Variants in IFT43 observed in about 807,000 individuals in gnomAD.
IFT43 encodes intraflagellar transport 43.
IFT43 carries 33 observed loss-of-function variants against 32.3 expected under a neutral mutation model. The observed-to-expected ratio is 1.02, with a 90% confidence interval of 0.77 to 1.37. IFT43 has a LOEUF of 1.37. Among genes scored for constraint, IFT43 ranks in the 40% most tolerant of loss-of-function variants. The pLI, the probability that IFT43 is intolerant of heterozygous loss-of-function variation, is 0.00. For missense variants in IFT43, 274 were observed against 265.9 expected (o/e 1.03, Z -0.21); for synonymous variants, 93 against 98.2 (o/e 0.95, Z 0.31).
chr14:76,064,678 A>G (rs2037198790), intron 5 of IFT43, among the ~76,000 whole-genome samples: 1 of 152,180 alleles, frequency 6.6e-6, no homozygotes, highest in African/African-American at 2.4e-5. Context: ...CTCAGTCCCC[A>G]GTTGCTCATG....
chr14:75,990,782 G>C (rs1002269675), intron 2 of IFT43, among the ~76,000 whole-genome samples: 2 of 152,192 alleles, frequency 1.3e-5, no homozygotes, highest in Non-Finnish European at 2.9e-5. Context: ...AGAAAACGCG[G>C]AAGCAAATGA....
intron 2 of IFT43, among the ~76,000 whole-genome samples, chr14:76,012,595 G>T (rs1299861693): frequency 6.6e-6 from 1 of 152,126 alleles, no homozygotes; most frequent in East Asian, 1.9e-4. Flanking sequence ...AGCTATGCAG[G>T]GTCCTGCCCC....
At position 76,081,326 on chromosome 14, in the gene IFT43, G is replaced by T. The variant is rs142911739; in HGVS notation, c.296-969G>T. On this transcript the variant is annotated intron_variant, in intron 5 of 8. Transcript: ENST00000314067. ...ACCTTTGGGATTTCTCCTTCTTTCC[G>T]TGTTTACAGTTGCTTTGGGAATTCC... Among the ~76,000 whole-genome samples the T allele has an allele frequency of 2.1e-3, 319 of 152,274 alleles. 1 individual carries two copies. The highest frequency in any genetic ancestry group is 7.2e-3 in the African/African-American group (299 of 41,558).
intron 2 of IFT43, among the ~76,000 whole-genome samples, chr14:75,994,324 G>T (rs938458455): frequency 3.4e-4 from 52 of 152,006 alleles, no homozygotes; most frequent in Non-Finnish European, 6.2e-4. Flanking sequence ...GTTTGGTCCA[G>T]GTAATTAAAC....
At chr14:76,050,410 G>GGTTTGGATGTGGTGGGAGT (rs1194905234) in intron 3 of IFT43, among the ~76,000 whole-genome samples, 2 of 151,836 alleles carry the variant, frequency 1.3e-5, no homozygotes, top group Non-Finnish European at 2.9e-5. Flanking sequence ...GTGGTGGGAG[G>GGTTTGGATGTGGTGGGAGT]GTTTGGATGT....
intron 5 of IFT43, among the ~76,000 whole-genome samples, chr14:76,076,245 G>T (rs1467307524): frequency 2.6e-5 from 4 of 152,214 alleles, no homozygotes; most frequent in Non-Finnish European, 5.9e-5. Context: ...TGAGGAAGCT[G>T]GAAAGCTAAG....
chr14:75,997,262 A>T (rs1283434527), intron 2 of IFT43, among the ~76,000 whole-genome samples: 1 of 152,234 alleles, frequency 6.6e-6, no homozygotes, highest in East Asian at 1.9e-4. Context: ...GTGACTTTGT[A>T]TTTGAAACCA....
chr14:76,007,633 A>G lies in IFT43; in HGVS notation c.148-14694A>G, dbSNP rs1594812190. On this transcript the variant is annotated intron_variant, in intron 2 of 8. Coordinates refer to ENST00000314067, the MANE Select transcript of IFT43 (RefSeq NM_001102564.3). ...GTTGGGAATTTACACCTTCAATATTATGCACATTTCTGGCTACACACATGC... is the reference window on the plus strand; with the variant it reads ...GTTGGGAATTTACACCTTCAATATTGTGCACATTTCTGGCTACACACATGC... Among the ~76,000 whole-genome samples, 4 of 152,180 alleles carry G rather than the reference A, an allele frequency of 2.6e-5. No homozygotes were observed. The East Asian group carries it at 7.7e-4, about 29-fold the overall frequency.
chr14:75,986,691 T>G (rs1001688546), intron 1 of IFT43, among the ~76,000 whole-genome samples: 8 of 152,208 alleles, frequency 5.3e-5, no homozygotes, highest in African/African-American at 1.2e-4. Context: ...CCAAGTTCAG[T>G]GTCTACCTTC....
At chr14:76,024,369 CTT>C (rs1487662154) in intron 3 of IFT43, among the ~76,000 whole-genome samples, 2 of 152,186 alleles carry the variant, frequency 1.3e-5, no homozygotes, top group East Asian at 3.8e-4. Context: ...TAAGTCATCT[CTT>C]GTTTTACTTA....
intron 2 of IFT43, among the ~76,000 whole-genome samples, chr14:75,995,298 A>ATTTTC (rs1394368922): frequency 6.6e-6 from 1 of 152,052 alleles, no homozygotes; most frequent in Non-Finnish European, 1.5e-5. Flanking sequence ...AGAGAAGAGG[A>ATTTTC]TTTTGGAAAG....
At chr14:76,060,065 G>A (rs570026364) in intron 5 of IFT43, among the ~76,000 whole-genome samples, 25 of 152,222 alleles carry the variant, frequency 1.6e-4, no homozygotes, top group African/African-American at 5.3e-4. Flanking sequence ...CTATATAAAC[G>A]CAGGGAAAAC....
chr14:76,011,492 T>C (rs571613496), intron 2 of IFT43, among the ~76,000 whole-genome samples: 7 of 152,294 alleles, frequency 4.6e-5, no homozygotes, highest in Admixed American at 2.6e-4. Flanking sequence ...TGAGTTAGGA[T>C]AGTGATAGAT....
chr14:76,059,035 G>A, intron 4 of IFT43: 1 of 1,421,862 alleles, frequency 7.0e-7, no homozygotes, highest in South Asian at 1.5e-5. Context: ...AAGTTTTCTA[G>A]ATAAAGGTGC....
chr14:75,989,040 G>T, intron 2 of IFT43, 63 bp downstream of exon 2: 1 of 1,585,974 alleles, frequency 6.3e-7, no homozygotes, highest in South Asian at 1.1e-5. Flanking sequence ...ATTCCTTAAT[G>T]ACCAAGGATT....
At chr14:76,059,066 G>A in intron 4 of IFT43, 1 of 1,427,718 alleles carries the variant, frequency 7.0e-7, no homozygotes. Context: ...GGGCCACCCA[G>A]TTTCCTACTC....
At chr14:76,014,167 G>A in intron 2 of IFT43, 2 of 254,084 alleles carry the variant, frequency 7.9e-6, no homozygotes, top group South Asian at 7.0e-5. Flanking sequence ...GTTGATTCCA[G>A]CAAGTATGAG....
chr14:75,997,154 G>C (rs2035763189), intron 2 of IFT43, among the ~76,000 whole-genome samples: 1 of 152,132 alleles, frequency 6.6e-6, no homozygotes, highest in Non-Finnish European at 1.5e-5. Flanking sequence ...GTAGAGGGAA[G>C]AGTGTGAGCC....
chr14:76,039,483 C>G (rs901445788), intron 3 of IFT43, among the ~76,000 whole-genome samples: 1 of 152,036 alleles, frequency 6.6e-6, no homozygotes, highest in Non-Finnish European at 1.5e-5. Flanking sequence ...AGTGAAGTGT[C>G]TTTGACCTTA....
Sources: allele counts gnomAD v4.1 joint callset (sites outside exome capture counted in the v4.1 genomes callset), GRCh38; gene constraint gnomAD v4.1.1; transcripts MANE v1.5; gene names NCBI Gene and HGNC (gene_info 2026-07-23, HGNC 2026-07-21).